Variants in DDAH1 observed in about 807,000 individuals in gnomAD.
The protein encoded by DDAH1 is dimethylarginine dimethylaminohydrolase 1.
DDAH1 carries 19 observed loss-of-function variants against 28.8 expected under a neutral mutation model. The ratio of observed to expected loss-of-function variants is 0.66; its 90% confidence interval spans 0.46 to 0.97. The LOEUF (loss-of-function observed/expected upper bound fraction) is 0.97, where lower values mean the gene tolerates loss of function less well. Ranked by LOEUF, DDAH1 falls within the 50% of genes least tolerant of loss-of-function variation. The pLI is 0.00. For missense variants in DDAH1, 326 were observed against 375.9 expected, an observed-to-expected ratio of 0.87 and a Z score of 1.10; for synonymous variants, 153 against 154.4, an observed-to-expected ratio of 0.99 and a Z score of 0.07.
chr1:85,423,943 G>A (rs1042188999), intron 1 of DDAH1, among the ~76,000 whole-genome samples: 1 of 152,094 alleles, frequency 6.6e-6, no homozygotes, highest in Non-Finnish European at 1.5e-5. Context: ...GTTAGATTCT[G>A]TCAAATGTTT....
At chr1:85,347,110 G>A (rs1027291725) in intron 4 of DDAH1, among the ~76,000 whole-genome samples, 45 of 152,162 alleles carry the variant, frequency 3.0e-4, no homozygotes, top group Non-Finnish European at 6.0e-4. Flanking sequence ...AAAAAGTCAG[G>A]AAACAACAGG....
intron 1 of DDAH1, among the ~76,000 whole-genome samples, chr1:85,383,336 G>A (rs1046381510): frequency 6.6e-6 from 1 of 152,166 alleles, no homozygotes; most frequent in African/African-American, 2.4e-5. Context: ...AATAGCAAGA[G>A]AACTAGAATT....
At position 85,321,456 on chromosome 1, in the gene DDAH1, G is replaced by C. The variant is rs1237496922; in HGVS notation, c.854C>G (p.Ser285Cys). The C allele has an allele frequency of 1.2e-6, 2 of 1,610,534 alleles. No homozygotes were observed. The highest frequency in any genetic ancestry group is 1.7e-6 in the Non-Finnish European group (2 of 1,176,824). Reference sequence around the variant, plus strand: ...TACCGGGGGGGACTCTGCAGCTCAGGAGTCTACTTTCTTGTTAATTAAAAC... The same window carrying C: ...TACCGGGGGGGACTCTGCAGCTCAGCAGTCTACTTTCTTGTTAATTAAAAC... ...CSVLINKKVD[S>C] Residue 285 changes from serine (S) to cysteine (C), a missense_variant, in exon 6 of 6, where the codon TCC (serine) becomes TGC (cysteine). Transcript: ENST00000284031.
intron 1 of DDAH1, among the ~76,000 whole-genome samples, chr1:85,417,497 C>T (rs557753072): frequency 6.6e-6 from 1 of 152,214 alleles, no homozygotes; most frequent in African/African-American, 2.4e-5. Context: ...TTCTTCACCA[C>T]TCTTACAGCT....
chr1:85,567,934 C>G (rs945534983), intron 1 of DDAH1, among the ~76,000 whole-genome samples: 4 of 152,098 alleles, frequency 2.6e-5, no homozygotes, highest in Admixed American at 2.6e-4. Context: ...TATTCTGGGT[C>G]ATAAAACCAG....
chr1:85,370,231 G>T (rs1178034486), intron 1 of DDAH1, among the ~76,000 whole-genome samples: 1 of 152,188 alleles, frequency 6.6e-6, no homozygotes, highest in Admixed American at 6.5e-5. Context: ...TGAAGACACA[G>T]ATGGCCATCT....
At chr1:85,436,348 A>T (rs561423376) in intron 1 of DDAH1, among the ~76,000 whole-genome samples, 1 of 152,272 alleles carries the variant, frequency 6.6e-6, no homozygotes, top group East Asian at 1.9e-4. Context: ...AATATTTATC[A>T]TATTTTAAAG....
intron 1 of DDAH1, among the ~76,000 whole-genome samples, chr1:85,560,424 ATACT>A (rs1305867440): frequency 6.6e-6 from 1 of 152,138 alleles, no homozygotes; most frequent in African/African-American, 2.4e-5. Flanking sequence ...TAAATATGAA[ATACT>A]TTCTTTAAAA....
At chr1:85,573,937 A>G (rs1282622642) in intron 1 of DDAH1, among the ~76,000 whole-genome samples, 1 of 152,234 alleles carries the variant, frequency 6.6e-6, no homozygotes. Flanking sequence ...ACAGATTCTT[A>G]GAGATATTCA....
chr1:85,566,707 G>C (rs955799729), intron 1 of DDAH1, among the ~76,000 whole-genome samples: 2 of 152,140 alleles, frequency 1.3e-5, no homozygotes, highest in African/African-American at 2.4e-5. Flanking sequence ...TAGGGATAAA[G>C]AAATTGTATT....
intron 1 of DDAH1, among the ~76,000 whole-genome samples, chr1:85,389,460 GCACTGCTGAGTTATCCATT>G (rs1473803199): frequency 2.0e-5 from 3 of 152,136 alleles, no homozygotes; most frequent in Non-Finnish European, 4.4e-5. Context: ...GCTACTTCCA[GCACTGCTGAGTTATCCATT>G]CACTGAACAG....
intron 1 of DDAH1, among the ~76,000 whole-genome samples, chr1:85,374,675 C>T (rs1415774926): frequency 6.6e-6 from 1 of 151,682 alleles, no homozygotes; most frequent in Non-Finnish European, 1.5e-5. Context: ...CAAACTTCAA[C>T]ACATTCCTAT....
chr1:85,387,124 A>G (rs2100546495), intron 1 of DDAH1, among the ~76,000 whole-genome samples: 1 of 152,208 alleles, frequency 6.6e-6, no homozygotes, highest in Non-Finnish European at 1.5e-5. Context: ...CCTTTTTCCC[A>G]TTGTCTTGAC....
intron 1 of DDAH1, among the ~76,000 whole-genome samples, chr1:85,536,891 T>C (rs1312857886): frequency 1.4e-5 from 2 of 147,598 alleles, no homozygotes; most frequent in African/African-American, 5.0e-5. Context: ...TTTACAATAG[T>C]CAAGTTATGA....
chr1:85,470,932 C>T (rs1251592774), intron 2 of DDAH1, among the ~76,000 whole-genome samples: 1 of 152,198 alleles, frequency 6.6e-6, no homozygotes, highest in African/African-American at 2.4e-5. Flanking sequence ...TTCAGACAAG[C>T]CTGAATTTGA....
intron 1 of DDAH1, among the ~76,000 whole-genome samples, chr1:85,561,031 C>T (rs568873548): frequency 1.2e-4 from 18 of 152,102 alleles, no homozygotes; most frequent in African/African-American, 2.4e-4. Flanking sequence ...TTTCCTCATA[C>T]GACTTTAACA....
At chr1:85,410,571 G>A (rs1652606608) in intron 1 of DDAH1, among the ~76,000 whole-genome samples, 1 of 151,658 alleles carries the variant, frequency 6.6e-6, no homozygotes, top group African/African-American at 2.4e-5. Flanking sequence ...CCTGGGAGGT[G>A]GAGGTTGTGG....
At chr1:85,503,555 A>G (rs924536281) in intron 1 of DDAH1, among the ~76,000 whole-genome samples, 4 of 151,704 alleles carry the variant, frequency 2.6e-5, no homozygotes, top group Non-Finnish European at 5.9e-5. Context: ...CTATCTATCT[A>G]TCTATCTATC....
Position 85,382,539 on chromosome 1 carries a change from T to C in DDAH1, c.304-23692A>G, listed in dbSNP as rs999968744. Among the ~76,000 whole-genome samples the C allele has an allele frequency of 8.5e-5, 13 of 152,226 alleles. No homozygotes were observed. In the South Asian group the frequency reaches 1.4e-3, roughly 17 times the overall value. ...AGTTATTCAGAAGATCTATTACAGC[T>C]AACACACAGCATTGTATGTTATGAA... is the stretch of plus-strand genomic sequence containing the variant. On this transcript the variant is annotated intron_variant, in intron 1 of 5. Coordinates refer to ENST00000284031, the MANE Select transcript of DDAH1 (RefSeq NM_012137.4).
Sources: gnomAD v4.1 joint callset for allele counts (sites outside exome capture counted in the v4.1 genomes callset) on GRCh38, gnomAD v4.1.1 for gene constraint, MANE v1.5 for transcripts, NCBI Gene and HGNC (gene_info 2026-07-23, HGNC 2026-07-21) for gene names.